NEK1: variants seen among roughly 807,000 people sequenced by gnomAD.
The protein encoded by NEK1 is serine/threonine-protein kinase Nek1.
In NEK1, 137 loss-of-function variants were observed where a neutral mutation model predicts 182.1. The ratio of observed to expected loss-of-function variants is 0.75; its 90% CI spans 0.65 to 0.87. The LOEUF (loss-of-function observed/expected upper bound fraction) is 0.87. Among genes scored for constraint, NEK1 ranks in the 40% least tolerant of loss-of-function variants. The probability of loss-of-function intolerance (pLI) is 0.00; values close to 1 mark genes in which losing one functional copy is unlikely to be tolerated. For synonymous variants in NEK1, 513 were observed against 492.2 expected (o/e 1.04, Z -0.56); for missense variants, 1,391 against 1,494.4 (o/e 0.93, Z 1.14).
intron 19 of NEK1, among the ~76,000 whole-genome samples, chr4:169,526,227 T>C (rs1756873772): frequency 6.6e-6 from 1 of 152,230 alleles, no homozygotes; most frequent in Admixed American, 6.5e-5. Context: ...CAATGGGTCA[T>C]GCATGTAGTC....
At chr4:169,451,351 T>C (rs1312300029) in intron 27 of NEK1, among the ~76,000 whole-genome samples, 1 of 152,150 alleles carries the variant, frequency 6.6e-6, no homozygotes, top group African/African-American at 2.4e-5. Flanking sequence ...CAGCACCACA[T>C]AGCCCTTATT....
At chr4:169,484,885 G>A (rs758925153) in intron 23 of NEK1, among the ~76,000 whole-genome samples, 5 of 152,242 alleles carry the variant, frequency 3.3e-5, no homozygotes, top group East Asian at 1.9e-4. Context: ...GATAATTTAC[G>A]TAAAGTACAC....
intron 31 of NEK1, among the ~76,000 whole-genome samples, chr4:169,418,732 C>T (rs1479912794): frequency 6.6e-6 from 1 of 151,968 alleles, no homozygotes; most frequent in Non-Finnish European, 1.5e-5. Context: ...ACAAAATGAA[C>T]ATAATCTTAG....
intron 23 of NEK1, among the ~76,000 whole-genome samples, chr4:169,498,963 T>C (rs1259320791): frequency 1.3e-5 from 2 of 152,244 alleles, no homozygotes; most frequent in East Asian, 3.8e-4. Context: ...TCTTGCTAGA[T>C]TGGGGAAGTT....
At chr4:169,414,554 G>C (rs1734201248) in intron 31 of NEK1, among the ~76,000 whole-genome samples, 1 of 152,090 alleles carries the variant, frequency 6.6e-6, no homozygotes, top group Non-Finnish European at 1.5e-5. Flanking sequence ...GGTCAAGGAG[G>C]GTTGACATAT....
intron 11 of NEK1, among the ~76,000 whole-genome samples, chr4:169,580,121 A>G (rs984611541): frequency 1.1e-4 from 17 of 152,342 alleles, no homozygotes; most frequent in Admixed American, 7.2e-4. Context: ...ACATTGTTTA[A>G]AAGAAAACCT....
In NEK1 at chr4:169,556,087, A is replaced by G. The variant is rs1233183828; in HGVS notation, c.1275T>C (p.Phe425=). 3 of 1,612,096 alleles carry G rather than the reference A, an allele frequency of 1.9e-6. No individual in the cohort carries two copies. In the South Asian group the frequency reaches 3.3e-5, roughly 18 times the overall value. ...AGGSGEVKAP[F]LGSGGTIAPS... is the part of the protein sequence containing the mutation. Reference sequence around the variant, plus strand: ...GAGCTATAGTCCCTCCACTGCCCAGAAAAGGAGCCTAGGGATTAAACAAAG... The same window carrying G: ...GAGCTATAGTCCCTCCACTGCCCAGGAAAGGAGCCTAGGGATTAAACAAAG... Residue 425 remains phenylalanine (F), a synonymous_variant, in exon 17 of 36, where the codon TTT becomes TTC. Coordinates refer to ENST00000507142, the MANE Select transcript of NEK1 (RefSeq NM_001199397.3).
At chr4:169,566,199 G>A (rs977173791) in intron 12 of NEK1, among the ~76,000 whole-genome samples, 1 of 152,112 alleles carries the variant, frequency 6.6e-6, no homozygotes, top group African/African-American at 2.4e-5. Flanking sequence ...TTACACAATA[G>A]TGTGGAATAA....
chr4:169,413,501 A>G (rs1734009761), intron 31 of NEK1, among the ~76,000 whole-genome samples: 3 of 152,172 alleles, frequency 2.0e-5, no homozygotes, highest in Admixed American at 2.0e-4. Context: ...AAGTTTTCAT[A>G]TAAGATGGCA....
chr4:169,555,905 A>T (rs1762096792), intron 17 of NEK1, 27 bp downstream of exon 17: 1 of 1,613,328 alleles, frequency 6.2e-7, no homozygotes, highest in Admixed American at 1.7e-5. Flanking sequence ...GCAAAGCATA[A>T]GCAACTTCTG....
chr4:169,409,951 T>C (rs1280688768), intron 31 of NEK1, among the ~76,000 whole-genome samples: 1 of 152,202 alleles, frequency 6.6e-6, no homozygotes, highest in Non-Finnish European at 1.5e-5. Flanking sequence ...TTTGATGGGA[T>C]TGTTTTTTTC....
At chr4:169,598,683 G>C (rs905697725) in intron 5 of NEK1, among the ~76,000 whole-genome samples, 1 of 152,258 alleles carries the variant, frequency 6.6e-6, no homozygotes, top group African/African-American at 2.4e-5. Context: ...ATATTTTAGA[G>C]ATCCTGGAAA....
At chr4:169,544,726 C>G (rs990503492) in intron 18 of NEK1, among the ~76,000 whole-genome samples, 4 of 146,024 alleles carry the variant, frequency 2.7e-5, no homozygotes, top group Non-Finnish European at 5.9e-5. Flanking sequence ...GTGTATGTGT[C>G]TAGGAATTTA....
In NEK1 at chr4:169,570,575, G is replaced by A. The variant is rs1381560963; in HGVS notation, c.1020+6353C>T. On this transcript the variant is annotated intron_variant, in intron 12 of 35. Transcript: ENST00000507142. ...AGGTGGGGGGGTCAGCCCCCCGCCC[G>A]GCCAGCCGCCCCGTCCAGGAGGTGA... Among the ~76,000 whole-genome samples the A allele has an allele frequency of 1.1e-4, 17 of 150,368 alleles. No homozygotes were observed. In the East Asian group the frequency reaches 1.8e-3, roughly 16 times the overall value.
At chr4:169,593,698 T>C (rs1369219446) in intron 5 of NEK1, among the ~76,000 whole-genome samples, 1 of 152,116 alleles carries the variant, frequency 6.6e-6, no homozygotes, top group African/African-American at 2.4e-5. Flanking sequence ...CCTTTAAAAT[T>C]GTAACCCTGG....
intron 23 of NEK1, among the ~76,000 whole-genome samples, chr4:169,481,468 A>T (rs1747989273): frequency 6.6e-6 from 1 of 152,220 alleles, no homozygotes; most frequent in Admixed American, 6.5e-5. Flanking sequence ...TTCTTGATAC[A>T]TTGGCTGCAG....
intron 19 of NEK1, among the ~76,000 whole-genome samples, chr4:169,532,540 A>G (rs936046759): frequency 3.3e-5 from 5 of 152,214 alleles, no homozygotes; most frequent in Admixed American, 3.3e-4. Context: ...AAGGGTGGTG[A>G]TAACGAGGGA....
chr4:169,530,852 T>C (rs1757569567), intron 19 of NEK1, among the ~76,000 whole-genome samples: 1 of 150,520 alleles, frequency 6.6e-6, no homozygotes. Context: ...TATATCACTA[T>C]ATGATCATTT....
chr4:169,393,637 T>C lies in NEK1; in HGVS notation c.*873A>G, dbSNP rs1379591893. On this transcript the variant is annotated 3_prime_UTR_variant, in exon 36 of 36. Transcript: ENST00000507142. ...GCAAACATTTCCCTCCCTAGGATCCTAGTTACCAAAACTGTCACAGTGTCA... is the reference window on the plus strand; with the variant it reads ...GCAAACATTTCCCTCCCTAGGATCCCAGTTACCAAAACTGTCACAGTGTCA... 6.6e-6 allele frequency: 1 copy of C among 152,200 alleles called. No homozygotes were observed. Among genetic ancestry groups the C allele is most frequent in the Non-Finnish European group, 1.5e-5 (1 of 68,020 alleles). The allele number at this position is 152,200 out of a possible 1,614,324, so 9.4% of individuals were successfully genotyped here. A position where few individuals can be genotyped will look rare whatever the true frequency, so the allele number is the denominator to read the frequency against.
Sources: gnomAD v4.1 joint callset for allele counts (sites outside exome capture counted in the v4.1 genomes callset) on GRCh38, gnomAD v4.1.1 for gene constraint, MANE v1.5 for transcripts, NCBI Gene and HGNC (gene_info 2026-07-23, HGNC 2026-07-21) for gene names.